The following TNIP3 variants were observed in gnomAD, a reference collection of about 807,000 sequenced individuals.
The protein encoded by TNIP3 is TNFAIP3-interacting protein 3.
TNIP3 carries 34 observed loss-of-function variants against 54.1 expected under a neutral mutation model. The observed-to-expected ratio is 0.63, with a 90% CI of 0.48 to 0.84. The LOEUF (loss-of-function observed/expected upper bound fraction) is 0.84, where lower values mean the gene tolerates loss of function less well. TNIP3 is among the 40% of genes least tolerant of loss of function. TNIP3 has a pLI of 0.00. For missense variants in TNIP3, 366 were observed against 387.6 expected (o/e 0.94, Z 0.47); for synonymous variants, 134 against 136.8 (o/e 0.98, Z 0.14).
At chr4:121,216,705 A>C, upstream of TNIP3, 1 of 1,207,286 alleles carries the variant, frequency 8.3e-7, no homozygotes. Flanking sequence ...ATGAAAGGTA[A>C]ACCACTGGGT....
At chr4:121,159,716 A>C (rs981549160) in intron 2 of TNIP3, among the ~76,000 whole-genome samples, 4 of 152,386 alleles carry the variant, frequency 2.6e-5, no homozygotes, top group Middle Eastern at 6.8e-3. Flanking sequence ...GATGCATTTT[A>C]GGCTACAAAT....
At chr4:121,190,590 G>A (rs143744033) in intron 2 of TNIP3, among the ~76,000 whole-genome samples, 317 of 152,272 alleles carry the variant, frequency 2.1e-3, no homozygotes, top group African/African-American at 7.1e-3. Flanking sequence ...GTTGAGTTGC[G>A]TAACAGGGGA....
chr4:121,168,996 C>T (rs114871445), upstream of TNIP3, among the ~76,000 whole-genome samples: 1,766 of 152,250 alleles, frequency 0.012, 30 homozygotes, highest in African/African-American at 0.039. Context: ...AGCTGGATTA[C>T]TGCAATAACC....
At chr4:121,135,677 G>A (rs1403626221) in intron 10 of TNIP3, among the ~76,000 whole-genome samples, 3 of 152,186 alleles carry the variant, frequency 2.0e-5, no homozygotes, top group Admixed American at 6.5e-5. Context: ...GGGATTATAG[G>A]CATGAGCCAC....
intron 3 of TNIP3, 182 bp from the exon 4 acceptor site, chr4:121,157,425 G>T: frequency 1.4e-6 from 1 of 724,856 alleles, no homozygotes; most frequent in Admixed American, 2.7e-5. Flanking sequence ...AGGGAGCTTG[G>T]CCTTGCACCA....
upstream of TNIP3, chr4:121,164,362 T>C: frequency 7.9e-7 from 1 of 1,271,016 alleles, no homozygotes. Context: ...ACTTTTCTTC[T>C]CTTCCAAATA....
chr4:121,189,634 T>G (rs1224887273), intron 2 of TNIP3, among the ~76,000 whole-genome samples: 1 of 152,212 alleles, frequency 6.6e-6, no homozygotes, highest in Non-Finnish European at 1.5e-5. Flanking sequence ...CTTAAGATTG[T>G]AGTAGAAGAG....
intron 2 of TNIP3, among the ~76,000 whole-genome samples, chr4:121,201,361 C>G (rs1252599394): frequency 6.6e-6 from 1 of 152,124 alleles, no homozygotes; most frequent in Non-Finnish European, 1.5e-5. Context: ...AGTGGAACAT[C>G]TTGTTACTAG....
intron 8 of TNIP3, among the ~76,000 whole-genome samples, chr4:121,142,444 A>G (rs1292469891): frequency 6.6e-6 from 1 of 152,226 alleles, no homozygotes; most frequent in East Asian, 1.9e-4. Context: ...AACTGCATGA[A>G]ATACCAATGA....
At chr4:121,190,737 T>G (rs1725262922) in intron 2 of TNIP3, among the ~76,000 whole-genome samples, 1 of 152,172 alleles carries the variant, frequency 6.6e-6, no homozygotes, top group African/African-American at 2.4e-5. Flanking sequence ...TAAATATGAA[T>G]AAGGGTAGAA....
chr4:121,222,214 A>G (rs927100954), intron 1 of TNIP3, among the ~76,000 whole-genome samples: 10 of 152,222 alleles, frequency 6.6e-5, no homozygotes, highest in Non-Finnish European at 1.5e-4. Flanking sequence ...AAGAGGACCT[A>G]GTTTTCCATA....
intron 2 of TNIP3, among the ~76,000 whole-genome samples, chr4:121,189,436 G>A (rs1425878733): frequency 6.6e-6 from 1 of 152,184 alleles, no homozygotes; most frequent in Non-Finnish European, 1.5e-5. Context: ...GAAGTGTTGT[G>A]TAAAAGATGC....
At chr4:121,138,585 G>A (rs751902415) in intron 10 of TNIP3, 39 bp downstream of exon 10, 1 of 1,577,338 alleles carries the variant, frequency 6.3e-7, no homozygotes, top group Admixed American at 1.7e-5. Context: ...CCATTAAGAT[G>A]TAAACATGAA....
chr4:121,161,246 A>G, intron 1 of TNIP3, 30 bp from the exon 2 acceptor site: 1 of 1,527,560 alleles, frequency 6.5e-7, no homozygotes, highest in Non-Finnish European at 8.8e-7. Flanking sequence ...AGAAGATTGA[A>G]ACAAAGCTGT....
chr4:121,198,323 G>T (rs1479821988), intron 2 of TNIP3, among the ~76,000 whole-genome samples: 1 of 152,068 alleles, frequency 6.6e-6, no homozygotes, highest in Non-Finnish European at 1.5e-5. Flanking sequence ...ATTTAGAGAA[G>T]AAAATAACCC....
chr4:121,181,254 G>C (rs534714097), intron 3 of TNIP3, among the ~76,000 whole-genome samples: 2 of 152,242 alleles, frequency 1.3e-5, no homozygotes, highest in South Asian at 2.1e-4. Flanking sequence ...GGTACCAGAG[G>C]GAATTGATAT....
At chr4:121,197,531 C>CAAAA in intron 2 of TNIP3, among the ~76,000 whole-genome samples, 1 of 64,250 alleles carries the variant, frequency 1.6e-5, no homozygotes. Context: ...GACTCTGTCT[C>CAAAA]AAAAAAAAAA....
chr4:121,203,398 C>G (rs1199722607), intron 2 of TNIP3, among the ~76,000 whole-genome samples: 1 of 152,132 alleles, frequency 6.6e-6, no homozygotes, highest in East Asian at 1.9e-4. Flanking sequence ...TGTTCTCACT[C>G]ACAAGTGGGA....
chr4:121,133,247 A>C (rs921506121), intron 10 of TNIP3, among the ~76,000 whole-genome samples: 6 of 152,224 alleles, frequency 3.9e-5, no homozygotes, highest in African/African-American at 1.4e-4. Flanking sequence ...CCAAGAAACA[A>C]AGAGTTATCC....
Sources: allele counts gnomAD v4.1 joint callset (sites outside exome capture counted in the v4.1 genomes callset), GRCh38; gene constraint gnomAD v4.1.1; transcripts MANE v1.5; gene names NCBI Gene and HGNC (gene_info 2026-07-23, HGNC 2026-07-21).